Variants in ATG5 observed in about 807,000 individuals in gnomAD.
ATG5 encodes autophagy related 5.
In ATG5, 14 loss-of-function variants were observed where a neutral mutation model predicts 36.5. The ratio of observed to expected loss-of-function variants is 0.38; its 90% CI spans 0.25 to 0.60. The LOEUF (loss-of-function observed/expected upper bound fraction) is 0.60. ATG5 is among the 20% of genes least tolerant of loss of function. The pLI, the probability that ATG5 is intolerant of heterozygous loss-of-function variation, is 0.60. For missense variants in ATG5, 195 were observed against 326.7 expected, an observed-to-expected ratio of 0.60 and a Z score of 3.11; for synonymous variants, 95 against 101.5, an observed-to-expected ratio of 0.94 and a Z score of 0.38.
chr6:106,316,184 G>A lies in ATG5; in HGVS notation c.25C>T (p.Arg9Ter). ...GGAATTCGTCCAAACCACACATCTC[G>A]AAGCACATCTTTGTCATCTGTCATT... Reference protein sequence around the residue: MTDDKDVLRDVWFGRIPTC... With the variant: MTDDKDVL The change falls in exon 2 of 8, where the codon CGA becomes TGA. Residue 9 changes from arginine to a stop codon, truncating the protein, a stop_gained. Transcript: ENST00000369076. LOFTEE classifies it high-confidence loss of function. 3 of 1,613,522 alleles carry A rather than the reference G, an allele frequency of 1.9e-6. No individual in the cohort carries two copies. Among genetic ancestry groups the A allele is most frequent in the Non-Finnish European group, 2.5e-6 (3 of 1,179,698 alleles).
intron 6 of ATG5, among the ~76,000 whole-genome samples, chr6:106,240,665 C>T (rs1778085264): frequency 6.6e-6 from 1 of 151,532 alleles, no homozygotes; most frequent in Non-Finnish European, 1.5e-5. Flanking sequence ...AGTAAGCTGG[C>T]AATTTTTTTT....
intron 5 of ATG5, among the ~76,000 whole-genome samples, chr6:106,264,742 T>C (rs898294576): frequency 1.3e-5 from 2 of 152,130 alleles, no homozygotes; most frequent in Non-Finnish European, 2.9e-5. Flanking sequence ...CCAGCCAAAC[T>C]AAGCTTCATA....
intron 6 of ATG5, among the ~76,000 whole-genome samples, chr6:106,218,091 A>T (rs1461695268): frequency 1.3e-5 from 2 of 152,184 alleles, no homozygotes; most frequent in Admixed American, 1.3e-4. Context: ...AATGCAAAAG[A>T]GACTTTGGTA....
At chr6:106,252,015 AT>A (rs1778613529) in intron 5 of ATG5, among the ~76,000 whole-genome samples, 1 of 151,972 alleles carries the variant, frequency 6.6e-6, no homozygotes, top group African/African-American at 2.4e-5. Flanking sequence ...TAATTTTTGT[AT>A]TTTTAGTAGA....
intron 7 of ATG5, among the ~76,000 whole-genome samples, chr6:106,196,852 T>C (rs942260693): frequency 6.7e-6 from 1 of 150,274 alleles, no homozygotes; most frequent in African/African-American, 2.4e-5. Flanking sequence ...AAACTAGAAA[T>C]TGGCAACCAT....
chr6:106,226,639 T>C (rs1777462742), intron 6 of ATG5, among the ~76,000 whole-genome samples: 1 of 152,248 alleles, frequency 6.6e-6, no homozygotes, highest in African/African-American at 2.4e-5. Flanking sequence ...CTGTCTGGTC[T>C]AGAACTTCTT....
chr6:106,249,247 A>G (rs556119623), intron 5 of ATG5, among the ~76,000 whole-genome samples: 2 of 152,320 alleles, frequency 1.3e-5, no homozygotes, highest in East Asian at 3.9e-4. Flanking sequence ...AACTATTAAT[A>G]GTCACTTCCC....
chr6:106,185,979 G>C lies in ATG5; in HGVS notation c.*561C>G, dbSNP rs1288076215. On this transcript the variant is annotated 3_prime_UTR_variant, in exon 8 of 8. Transcript: ENST00000369076. ...AAATCTCTCACTGTTCATTATCAAA[G>C]TTACAAGATTGCATACCAATAGACA... 1 of 152,798 alleles carries C rather than the reference G, an allele frequency of 6.5e-6. No individual in the cohort carries two copies. The highest frequency in any genetic ancestry group is 1.5e-5 in the Non-Finnish European group (1 of 68,066). The allele number at this position is 152,798 out of a possible 1,614,324, so 9.5% of individuals were successfully genotyped here.
At chr6:106,236,765 G>A (rs965979815) in intron 6 of ATG5, among the ~76,000 whole-genome samples, 6 of 152,032 alleles carry the variant, frequency 3.9e-5, no homozygotes, top group Non-Finnish European at 8.8e-5. Context: ...GACATTTTTT[G>A]TATAAGTTGT....
intron 6 of ATG5, among the ~76,000 whole-genome samples, chr6:106,244,388 CCTGA>C (rs930213787): frequency 1.3e-5 from 2 of 152,122 alleles, no homozygotes; most frequent in African/African-American, 2.4e-5. Context: ...GTTAATATGG[CCTGA>C]CTTTTACCTT....
intron 5 of ATG5, among the ~76,000 whole-genome samples, chr6:106,261,727 G>C (rs1053405577): frequency 6.6e-6 from 1 of 152,222 alleles, no homozygotes; most frequent in African/African-American, 2.4e-5. Context: ...TAATGGTAGA[G>C]ATGAAAAGTC....
intron 6 of ATG5, among the ~76,000 whole-genome samples, chr6:106,205,965 C>T (rs990393182): frequency 2.6e-5 from 4 of 152,040 alleles, no homozygotes; most frequent in Admixed American, 6.6e-5. Context: ...CCTTTAAAAA[C>T]GTAATATTCT....
intron 6 of ATG5, among the ~76,000 whole-genome samples, chr6:106,236,222 T>C (rs1277537324): frequency 6.6e-6 from 1 of 152,266 alleles, no homozygotes; most frequent in Non-Finnish European, 1.5e-5. Context: ...TATAATGCAA[T>C]TGTTTATTCA....
intron 6 of ATG5, among the ~76,000 whole-genome samples, chr6:106,242,631 A>AC (rs1778174440): frequency 6.7e-6 from 1 of 149,500 alleles, no homozygotes; most frequent in Non-Finnish European, 1.5e-5. Flanking sequence ...AACAACAACA[A>AC]AAAAAACACC....
At chr6:106,224,930 A>T (rs372243825) in intron 6 of ATG5, among the ~76,000 whole-genome samples, 4 of 152,186 alleles carry the variant, frequency 2.6e-5, no homozygotes, top group African/African-American at 2.4e-5. Flanking sequence ...TACATCAATT[A>T]AAAAAGTGAG....
chr6:106,282,146 A>T (rs1779907880), intron 4 of ATG5, among the ~76,000 whole-genome samples: 1 of 152,248 alleles, frequency 6.6e-6, no homozygotes, highest in Admixed American at 6.5e-5. Context: ...ACACATGTGC[A>T]CACCTCCAAA....
At chr6:106,299,217 C>T (rs534144558) in intron 3 of ATG5, among the ~76,000 whole-genome samples, 2 of 152,286 alleles carry the variant, frequency 1.3e-5, no homozygotes, top group East Asian at 3.9e-4. Context: ...ATAGTATTTG[C>T]ATATAACCTA....
chr6:106,237,661 T>A (rs1777953720), intron 6 of ATG5, among the ~76,000 whole-genome samples: 2 of 152,190 alleles, frequency 1.3e-5, no homozygotes, highest in African/African-American at 4.8e-5. Flanking sequence ...TTGTACAATT[T>A]TAGAGCAATA....
chr6:106,209,355 G>A (rs2114385860), intron 6 of ATG5, among the ~76,000 whole-genome samples: 1 of 152,282 alleles, frequency 6.6e-6, no homozygotes, highest in Non-Finnish European at 1.5e-5. Flanking sequence ...CAATAAAAAG[G>A]AACAAACTAC....
Sources: gnomAD v4.1 joint callset for allele counts (sites outside exome capture counted in the v4.1 genomes callset) on GRCh38, gnomAD v4.1.1 for gene constraint, MANE v1.5 for transcripts, NCBI Gene and HGNC (gene_info 2026-07-23, HGNC 2026-07-21) for gene names.